The following SLC25A21 variants were observed in gnomAD, a reference collection of about 807,000 sequenced individuals.
SLC25A21 encodes mitochondrial 2-oxodicarboxylate carrier.
A neutral mutation model predicts 43.8 loss-of-function variants in SLC25A21; 47 were observed. That is an observed-to-expected ratio of 1.07 (90% confidence interval 0.85 to 1.37). The LOEUF (loss-of-function observed/expected upper bound fraction) is 1.37, where lower values mean the gene tolerates loss of function less well. SLC25A21 is among the 40% of genes most tolerant of loss of function. SLC25A21 has a pLI of 0.00. For synonymous variants in SLC25A21, 131 were observed against 121.3 expected (o/e 1.08, Z -0.52); for missense variants, 352 against 350.2 (o/e 1.00, Z -0.04).
intron 1 of SLC25A21, among the ~76,000 whole-genome samples, chr14:36,972,164 C>T (rs1438133440): frequency 1.3e-5 from 2 of 152,114 alleles, no homozygotes; most frequent in South Asian, 4.1e-4. Flanking sequence ...CAGTGCAGTA[C>T]CATGCTGTAC....
intron 1 of SLC25A21, among the ~76,000 whole-genome samples, chr14:37,112,241 G>A (rs527282629): frequency 7.2e-5 from 11 of 152,082 alleles, no homozygotes; most frequent in South Asian, 2.1e-4. Context: ...CCTTGCCGCC[G>A]CCGCCAAAAT....
intron 6 of SLC25A21, among the ~76,000 whole-genome samples, chr14:36,712,957 G>A (rs1240644220): frequency 6.6e-6 from 1 of 152,174 alleles, no homozygotes; most frequent in East Asian, 1.9e-4. Flanking sequence ...TGGAAGTGCT[G>A]AGTAAACTGC....
At chr14:36,990,694 T>C (rs1209656237) in intron 1 of SLC25A21, among the ~76,000 whole-genome samples, 1 of 152,090 alleles carries the variant, frequency 6.6e-6, no homozygotes, top group African/African-American at 2.4e-5. Context: ...TGGGGCAACG[T>C]AGTAAGACCT....
In SLC25A21 at chr14:37,172,566, G is replaced by C. The variant is rs759994913; in HGVS notation, c.-216C>G. 3 of 705,536 alleles carry C rather than the reference G, an allele frequency of 4.3e-6. No individual in the cohort carries two copies. The highest frequency in any genetic ancestry group is 7.7e-6 in the Non-Finnish European group (3 of 387,556). The allele number at this position is 705,536 out of a possible 1,614,324, so 43.7% of individuals were successfully genotyped here. A position where few individuals can be genotyped will look rare whatever the true frequency, so the allele number is the denominator to read the frequency against. ...GTCGGAACCTGTTCGCAGCGCTCTC[G>C]CAGAGGCGCCCTCGGCTCCGAAAAT... On this transcript the variant is annotated 5_prime_UTR_variant, in exon 1 of 10. Transcript: ENST00000331299.
chr14:36,739,900 G>A (rs1370616604), intron 3 of SLC25A21, among the ~76,000 whole-genome samples: 2 of 152,136 alleles, frequency 1.3e-5, no homozygotes, highest in Non-Finnish European at 2.9e-5. Flanking sequence ...TTTCTAGTGA[G>A]AGGGTTAGGC....
At chr14:36,810,530 A>G (rs1314609950) in intron 3 of SLC25A21, among the ~76,000 whole-genome samples, 2 of 152,224 alleles carry the variant, frequency 1.3e-5, no homozygotes, top group Non-Finnish European at 2.9e-5. Flanking sequence ...GTACCACATC[A>G]CCAGAGTAAT....
intron 3 of SLC25A21, among the ~76,000 whole-genome samples, chr14:36,780,216 T>A (rs918270984): frequency 1.3e-5 from 2 of 151,878 alleles, no homozygotes; most frequent in Admixed American, 1.3e-4. Context: ...TGATTTTGAG[T>A]CATCTCTTAT....
chr14:36,755,705 T>TA (rs1470849354), intron 3 of SLC25A21, among the ~76,000 whole-genome samples: 1 of 152,238 alleles, frequency 6.6e-6, no homozygotes. Context: ...AGATCGTTTT[T>TA]ATCAACATAA....
intron 1 of SLC25A21, among the ~76,000 whole-genome samples, chr14:36,918,057 A>T (rs1417580055): frequency 6.6e-6 from 1 of 152,150 alleles, no homozygotes; most frequent in Non-Finnish European, 1.5e-5. Context: ...AGGCCTCAGG[A>T]AAGAGATAAA....
intron 1 of SLC25A21, among the ~76,000 whole-genome samples, chr14:37,079,481 C>T (rs1406933455): frequency 6.6e-6 from 1 of 152,202 alleles, no homozygotes. Context: ...CTCATTATCA[C>T]TTTAACCTTG....
At chr14:36,766,533 C>A (rs534381910) in intron 3 of SLC25A21, among the ~76,000 whole-genome samples, 7 of 152,306 alleles carry the variant, frequency 4.6e-5, no homozygotes, top group African/African-American at 1.7e-4. Flanking sequence ...CACAACCTTA[C>A]TGACTTGATC....
intron 3 of SLC25A21, among the ~76,000 whole-genome samples, chr14:36,812,315 T>A (rs2138443218): frequency 6.6e-6 from 1 of 152,168 alleles, no homozygotes; most frequent in Non-Finnish European, 1.5e-5. Context: ...CTTTCAAATC[T>A]TAAGGGTATA....
chr14:37,113,184 T>C (rs1963049624), intron 1 of SLC25A21, among the ~76,000 whole-genome samples: 1 of 152,134 alleles, frequency 6.6e-6, no homozygotes, highest in Non-Finnish European at 1.5e-5. Context: ...TTCACCACAG[T>C]CACATTCTAC....
chr14:36,997,368 TGC>T (rs1443726330), intron 1 of SLC25A21, among the ~76,000 whole-genome samples: 1 of 151,880 alleles, frequency 6.6e-6, no homozygotes, highest in Non-Finnish European at 1.5e-5. Flanking sequence ...ACTGAGGAGA[TGC>T]TTTATGTTCA....
intron 1 of SLC25A21, among the ~76,000 whole-genome samples, chr14:37,074,215 A>G (rs1020783144): frequency 2.6e-5 from 4 of 152,174 alleles, no homozygotes. Context: ...GTTAAAAAAA[A>G]AAAAAACCTC....
chr14:36,762,622 C>A (rs941507538), intron 3 of SLC25A21, among the ~76,000 whole-genome samples: 1 of 152,176 alleles, frequency 6.6e-6, no homozygotes, highest in Non-Finnish European at 1.5e-5. Context: ...GGCTATCAAG[C>A]ATTTAAATCT....
intron 1 of SLC25A21, among the ~76,000 whole-genome samples, chr14:36,927,620 G>A (rs1192893747): frequency 6.6e-6 from 1 of 152,152 alleles, no homozygotes; most frequent in Non-Finnish European, 1.5e-5. Context: ...TCAGTATAAT[G>A]CTATCTCTAT....
chr14:36,892,059 TA>T, intron 1 of SLC25A21, among the ~76,000 whole-genome samples: 2 of 152,304 alleles, frequency 1.3e-5, no homozygotes, highest in Non-Finnish European at 2.9e-5. Context: ...ACAGACTTGC[TA>T]ACCACATTAT....
intron 1 of SLC25A21, among the ~76,000 whole-genome samples, chr14:37,108,725 G>A (rs1324859269): frequency 6.8e-6 from 1 of 146,960 alleles, no homozygotes; most frequent in Non-Finnish European, 1.5e-5. Flanking sequence ...GTGTGTGTGT[G>A]TGTGTGTGTG....
Sources: allele counts gnomAD v4.1 joint callset (sites outside exome capture counted in the v4.1 genomes callset), GRCh38; gene constraint gnomAD v4.1.1; transcripts MANE v1.5; gene names NCBI Gene and HGNC (gene_info 2026-07-23, HGNC 2026-07-21).